Variants in PCDH15 observed in about 807,000 individuals in gnomAD.
PCDH15 encodes protocadherin related 15.
Under a neutral mutation model 178.5 loss-of-function variants are expected in PCDH15, and 129 were observed. That is an observed-to-expected ratio of 0.72 (90% CI 0.63 to 0.84). The LOEUF (loss-of-function observed/expected upper bound fraction) is 0.84, where lower values mean the gene tolerates loss of function less well. PCDH15 is among the 40% of genes least tolerant of loss of function. The pLI is 0.00. For missense variants in PCDH15, 2,230 were observed against 2,099.9 expected (o/e 1.06, Z -1.21); for synonymous variants, 800 against 732.0 (o/e 1.09, Z -1.50).
intron 2 of PCDH15, among the ~76,000 whole-genome samples, chr10:55,063,856 A>G (rs1841499445): frequency 6.6e-6 from 1 of 152,200 alleles, no homozygotes; most frequent in Non-Finnish European, 1.5e-5. Context: ...CAAAGTTATC[A>G]GAAGGTAAAC....
At chr10:55,481,093 A>G (rs992794262) in intron 2 of PCDH15, among the ~76,000 whole-genome samples, 1 of 151,732 alleles carries the variant, frequency 6.6e-6, no homozygotes, top group South Asian at 2.1e-4. Flanking sequence ...AAATTTATCT[A>G]TTACTTCTAG....
intron 1 of PCDH15, among the ~76,000 whole-genome samples, chr10:54,706,474 A>C (rs1303137477): frequency 2.0e-5 from 3 of 152,194 alleles, no homozygotes; most frequent in Non-Finnish European, 2.9e-5. Flanking sequence ...CCTAGTAGAT[A>C]AAATTCCTTA....
At chr10:54,370,849 A>G (rs955325359) in intron 4 of PCDH15, among the ~76,000 whole-genome samples, 3 of 151,910 alleles carry the variant, frequency 2.0e-5, no homozygotes, top group Non-Finnish European at 4.4e-5. Context: ...ATCATTATTT[A>G]GTTTCAAGAT....
rs141292241 is a variant in PCDH15, at chr10:54,076,365, A to G, written c.2091+2966T>C. On this transcript the variant is annotated intron_variant, in intron 17 of 37. Coordinates refer to ENST00000644397, the MANE Select transcript of PCDH15 (RefSeq NM_001384140.1). ...GTGTATGTGTGTGCAAACATGAAACATGTGTATGGAATCATTAAAGTTTTC... is the reference window on the plus strand; with the variant it reads ...GTGTATGTGTGTGCAAACATGAAACGTGTGTATGGAATCATTAAAGTTTTC... 1.4e-3 allele frequency among the ~76,000 whole-genome samples: 210 copies of G among 152,228 alleles called. 3 individuals carry two copies. The East Asian group carries it at 0.033, about 24-fold the overall frequency.
At chr10:53,905,449 T>C (rs1261752586) in intron 25 of PCDH15, among the ~76,000 whole-genome samples, 1 of 152,182 alleles carries the variant, frequency 6.6e-6, no homozygotes, top group African/African-American at 2.4e-5. Flanking sequence ...TTCTCCTGCC[T>C]CAGCGTCCCT....
chr10:54,225,486 C>T (rs1564727009), intron 9 of PCDH15, among the ~76,000 whole-genome samples: 1 of 152,098 alleles, frequency 6.6e-6, no homozygotes, highest in Non-Finnish European at 1.5e-5. Context: ...TTTTCATAGT[C>T]CTAATCTCTT....
At chr10:54,427,719 T>C (rs980467994) in intron 3 of PCDH15, among the ~76,000 whole-genome samples, 3 of 152,218 alleles carry the variant, frequency 2.0e-5, no homozygotes, top group Non-Finnish European at 1.5e-5. Flanking sequence ...AAGGTATTAA[T>C]GTGTTTTAGT....
At chr10:55,179,493 A>T (rs1035113594) in intron 1 of PCDH15, among the ~76,000 whole-genome samples, 1 of 151,862 alleles carries the variant, frequency 6.6e-6, no homozygotes, top group Non-Finnish European at 1.5e-5. Flanking sequence ...CTTCTCGATG[A>T]TACCTTTTAA....
intron 2 of PCDH15, chr10:54,606,690 A>G (rs779604672): frequency 1.3e-5 from 2 of 152,140 alleles, no homozygotes; most frequent in Non-Finnish European, 2.9e-5. Context: ...CAACCAAAAG[A>G]CTAAGTGTAT....
At chr10:55,518,910 T>G (rs1178426420) in intron 2 of PCDH15, among the ~76,000 whole-genome samples, 1 of 151,588 alleles carries the variant, frequency 6.6e-6, no homozygotes, top group Non-Finnish European at 1.5e-5. Context: ...CTGGCCAACA[T>G]GGTGAAACCC....
At chr10:54,236,367 C>T (rs999156159) in intron 9 of PCDH15, among the ~76,000 whole-genome samples, 13 of 151,802 alleles carry the variant, frequency 8.6e-5, no homozygotes, top group African/African-American at 2.9e-4. Context: ...TTGGGCTAAT[C>T]GTGCTCTCTC....
intron 29 of PCDH15, among the ~76,000 whole-genome samples, chr10:53,835,658 T>C (rs1013726150): frequency 6.6e-6 from 1 of 152,216 alleles, no homozygotes; most frequent in African/African-American, 2.4e-5. Flanking sequence ...GGCTTATGCC[T>C]GTAATCTCAA....
chr10:55,117,008 C>G lies in PCDH15; in HGVS notation c.-80+49568G>C, dbSNP rs572316777. 1.2e-3 allele frequency among the ~76,000 whole-genome samples: 188 copies of G among 152,298 alleles called. 1 individual carries two copies. Among genetic ancestry groups the G allele is most frequent in the Non-Finnish European group, 1.8e-3 (121 of 68,028 alleles). ...GACACTTTTGTTGTCTTCTAATAAT[C>G]CTTCTTCACAACTATCAAATTCTTC... On this transcript the variant is annotated intron_variant, in intron 2 of 5. Transcript: ENST00000458638.
chr10:54,247,867 CAA>C (rs570243081), intron 8 of PCDH15, among the ~76,000 whole-genome samples: 1 of 122,078 alleles, frequency 8.2e-6, no homozygotes, highest in Non-Finnish European at 1.7e-5. Flanking sequence ...GACTCTTTCT[CAA>C]AAAAAAAAAG....
intron 2 of PCDH15, among the ~76,000 whole-genome samples, chr10:55,023,790 C>T (rs1840398927): frequency 1.3e-5 from 2 of 150,970 alleles, no homozygotes; most frequent in South Asian, 4.2e-4. Flanking sequence ...CATATACACA[C>T]ATATTCATAT....
intron 15 of PCDH15, among the ~76,000 whole-genome samples, chr10:54,108,821 C>T (rs1044896408): frequency 6.6e-6 from 1 of 152,162 alleles, no homozygotes; most frequent in Non-Finnish European, 1.5e-5. Flanking sequence ...GGATAGGACA[C>T]TAGTCAGTCA....
In PCDH15 at chr10:54,121,630, G is replaced by A. The variant is rs537750872; in HGVS notation, c.1917+11245C>T. Among the ~76,000 whole-genome samples, 30 of 151,980 alleles carry A rather than the reference G, an allele frequency of 2.0e-4. No individual in the cohort carries two copies. The East Asian group carries it at 3.9e-3, about 20-fold the overall frequency. ...ACAAAAGTGGTGTAATGTCACAGCC[G>A]ATCACACAGAAATACAAAACTCCCT... On this transcript the variant is annotated intron_variant, in intron 15 of 37. Transcript: ENST00000644397.
intron 1 of PCDH15, among the ~76,000 whole-genome samples, chr10:55,214,708 C>T (rs2132175009): frequency 1.3e-5 from 2 of 152,072 alleles, no homozygotes; most frequent in Middle Eastern, 6.8e-3. Context: ...AACTCCTGGG[C>T]TCAAGAGATC....
intron 2 of PCDH15, among the ~76,000 whole-genome samples, chr10:54,922,756 G>A (rs1391385279): frequency 6.6e-6 from 1 of 152,128 alleles, no homozygotes; most frequent in East Asian, 1.9e-4. Flanking sequence ...AAGGCCTTGG[G>A]AAGCTCCACC....
Sources: allele counts gnomAD v4.1 joint callset (sites outside exome capture counted in the v4.1 genomes callset), GRCh38; gene constraint gnomAD v4.1.1; transcripts MANE v1.5; gene names NCBI Gene and HGNC (gene_info 2026-07-23, HGNC 2026-07-21).